The following DNM1L variants were observed in gnomAD, a reference collection of about 807,000 sequenced individuals.
DNM1L encodes the protein dynamin-1-like protein.
Under a neutral mutation model 92.8 loss-of-function variants are expected in DNM1L, and 33 were observed. That is an observed-to-expected ratio of 0.36 (90% confidence interval 0.27 to 0.48). The LOEUF (loss-of-function observed/expected upper bound fraction) is 0.48. Ranked by LOEUF, DNM1L falls within the 20% of genes least tolerant of loss-of-function variation. The pLI is 0.99. For synonymous variants in DNM1L, 284 were observed against 305.0 expected (o/e 0.93, Z 0.72); for missense variants, 485 against 888.8 (o/e 0.55, Z 5.78).
intron 6 of DNM1L, among the ~76,000 whole-genome samples, chr12:32,717,933 T>C (rs1469229718): frequency 2.5e-5 from 2 of 80,622 alleles, no homozygotes; most frequent in Admixed American, 1.5e-4. Context: ...ATATATTTTA[T>C]ATATATATAA....
intron 3 of DNM1L, 91 bp downstream of exon 3, chr12:32,707,504 AC>A (rs1247282393): frequency 4.7e-5 from 43 of 923,470 alleles, no homozygotes; most frequent in Non-Finnish European, 2.9e-5. Context: ...ATTGGCAATT[AC>A]GTTATTTTAA....
rs1443306992 is a variant in DNM1L at position 32,731,124 on chromosome 12, G to C, written c.1190G>C (p.Arg397Thr). 4 of 1,613,954 alleles carry C rather than the reference G, an allele frequency of 2.5e-6. No individual in the cohort carries two copies. Among genetic ancestry groups the C allele is most frequent in the Non-Finnish European group, 3.4e-6 (4 of 1,179,994 alleles). Residue 397 changes from arginine to threonine, a missense_variant, in exon 10 of 20, where the codon AGA (arginine) becomes ACA (threonine). Physicochemically the swap from Arg to Thr is moderately conservative, Grantham distance 71 (BLOSUM62 -1). Around this residue, in one of 11 missense-constraint regions of DNM1L, gnomAD observed 19 missense variants for 22.1 expected, o/e 0.86. Coordinates refer to ENST00000549701, the MANE Select transcript of DNM1L (RefSeq NM_012062.5). This position sits in a 1 kb window ranked among gnomAD's most constrained non-coding sequence, Gnocchi z 5.1. ...LNTIDILTAI[R>T]NATGPRPALF... The stretch of plus-strand genomic sequence containing the variant: ...ACTATTGACATTTTGACTGCCATTA[G>C]AAATGCTACTGTGAGTATGTTTAGC...
At chr12:32,705,971 C>A in intron 2 of DNM1L, 2 of 1,044,456 alleles carry the variant, frequency 1.9e-6, no homozygotes, top group Non-Finnish European at 2.7e-6. Context: ...TTTTTATTTG[C>A]CCATCCACAT....
intron 7 of DNM1L, 37 bp downstream of exon 7, chr12:32,718,800 A>C (rs140870304): frequency 9.3e-6 from 15 of 1,611,552 alleles, no homozygotes; most frequent in Non-Finnish European, 1.3e-5. Context: ...TGGGATAAGC[A>C]TTCTTAGAAT....
chr12:32,715,091 ATCT>A (rs1953302937), intron 6 of DNM1L, among the ~76,000 whole-genome samples: 1 of 147,614 alleles, frequency 6.8e-6, no homozygotes, highest in Non-Finnish European at 1.5e-5. Flanking sequence ...TTTTAATCTA[ATCT>A]TTTTTTTTTT....
intron 1 of DNM1L, among the ~76,000 whole-genome samples, chr12:32,698,253 A>G (rs764250853): frequency 3.3e-5 from 5 of 152,212 alleles, no homozygotes; most frequent in African/African-American, 9.7e-5. Flanking sequence ...ATGAGCCCCT[A>G]TGTCGTCTGT....
At chr12:32,738,920 T>G (rs959763621) in intron 16 of DNM1L, among the ~76,000 whole-genome samples, 1 of 152,214 alleles carries the variant, frequency 6.6e-6, no homozygotes, top group Non-Finnish European at 1.5e-5. Flanking sequence ...ATGTCTTATC[T>G]TCTCTCAGCC....
chr12:32,739,245 C>A (rs763013838), intron 16 of DNM1L, among the ~76,000 whole-genome samples: 1 of 151,912 alleles, frequency 6.6e-6, no homozygotes, highest in Non-Finnish European at 1.5e-5. Context: ...TTATATAATC[C>A]ATTTTTAGAT....
chr12:32,720,650 T>G lies in DNM1L; in HGVS notation c.741-14T>G, dbSNP rs1172362034. The G allele has an allele frequency of 1.2e-6, 2 of 1,613,622 alleles. No individual in the cohort carries two copies. Among genetic ancestry groups the G allele is most frequent in the African/African-American group, 2.7e-5 (2 of 74,910 alleles). On this transcript the variant is annotated splice_polypyrimidine_tract_variant and intron_variant, in intron 7 of 19. Transcript: ENST00000549701. The stretch of plus-strand genomic sequence containing the variant: ...CAGTTAAGCTGAATAGTTTCGTTAT[T>G]TTTTCAACCTCAGGAGCCAGCTAGA...
intron 1 of DNM1L, 139 bp from the exon 2 acceptor site, chr12:32,701,276 C>CG: frequency 1.7e-6 from 1 of 595,886 alleles, no homozygotes; most frequent in Non-Finnish European, 2.6e-6. Flanking sequence ...AACTCCGTCT[C>CG]AAAAAAAAAA....
intron 2 of DNM1L, among the ~76,000 whole-genome samples, chr12:32,702,026 A>G (rs962847865): frequency 2.7e-5 from 4 of 149,390 alleles, no homozygotes; most frequent in Non-Finnish European, 4.5e-5. Flanking sequence ...ACGAGGTCAG[A>G]AGTTCGAGAC....
intron 2 of DNM1L, chr12:32,706,803 G>T (rs1432701569): frequency 2.4e-6 from 1 of 423,808 alleles, no homozygotes; most frequent in Non-Finnish European, 4.7e-6. Flanking sequence ...ACAGCAAGTT[G>T]TGGCTCTACA....
At chr12:32,701,609 A>G (rs188923566) in intron 2 of DNM1L, 47 bp downstream of exon 2, 30,320 of 1,522,662 alleles carry the variant, frequency 0.02, 362 homozygotes, top group Non-Finnish European at 0.024. Flanking sequence ...TTCATTTTTG[A>G]TCTATTCTTA....
At chr12:32,681,092 C>T (rs978600208) in intron 1 of DNM1L, among the ~76,000 whole-genome samples, 1 of 152,086 alleles carries the variant, frequency 6.6e-6, no homozygotes, top group Non-Finnish European at 1.5e-5. Context: ...TACAGAGTGG[C>T]AGGAGAGAAA....
At chr12:32,710,108 AG>A (rs1319809397) in intron 4 of DNM1L, among the ~76,000 whole-genome samples, 1 of 152,200 alleles carries the variant, frequency 6.6e-6, no homozygotes, top group Non-Finnish European at 1.5e-5. Flanking sequence ...TAATACTTGT[AG>A]AGGGCCAGTG....
In DNM1L at chr12:32,745,168, GTTA is replaced by G; in HGVS notation, c.*1759_*1761del. The G allele has an allele frequency of 3.6e-6, 1 of 277,584 alleles. No homozygotes were observed. Among genetic ancestry groups the G allele is most frequent in the Non-Finnish European group, 7.1e-6 (1 of 141,500 alleles). 17.2% of individuals were successfully genotyped at this position (277,584 alleles called of 1,614,324 possible). A position where few individuals can be genotyped will look rare whatever the true frequency, so the allele number is the denominator to read the frequency against. On this transcript the variant is annotated 3_prime_UTR_variant, in exon 20 of 20. Coordinates refer to ENST00000549701, the MANE Select transcript of DNM1L (RefSeq NM_012062.5). Reference sequence around the variant, plus strand: ...GAGGATACATGCTCCCAAAACGTTTGTTACCACACTTAAAAATCACTGCCATCA... The same window carrying G: ...GAGGATACATGCTCCCAAAACGTTTGCCACACTTAAAAATCACTGCCATCA...
At chr12:32,703,088 CTGTCACCT>C (rs1370733130) in intron 2 of DNM1L, among the ~76,000 whole-genome samples, 5 of 145,762 alleles carry the variant, frequency 3.4e-5, no homozygotes, top group Non-Finnish European at 7.5e-5. Context: ...CCATTTTCTT[CTGTCACCT>C]TGAGAGGGCC....
intron 19 of DNM1L, 129 bp downstream of exon 19, chr12:32,742,877 T>C (rs1257915864): frequency 2.3e-6 from 2 of 854,448 alleles, no homozygotes; most frequent in East Asian, 5.8e-5. Flanking sequence ...CTGTTGGTAC[T>C]TGATAAGAAT....
chr12:32,745,101 A>G lies in DNM1L; in HGVS notation c.*1691A>G, dbSNP rs777294797. 2.2e-6 allele frequency: 1 copy of G among 459,448 alleles called. No homozygotes were observed. Among genetic ancestry groups the G allele is most frequent in the Non-Finnish European group, 4.2e-6 (1 of 237,152 alleles). 28.5% of individuals were successfully genotyped at this position (459,448 alleles called of 1,614,324 possible). ...AAAACCCCCACATCAGTCTGATACGATATGGTACTACTTTGAATCTGTTAC... is the reference window on the plus strand; with the variant it reads ...AAAACCCCCACATCAGTCTGATACGGTATGGTACTACTTTGAATCTGTTAC... On this transcript the variant is annotated 3_prime_UTR_variant, in exon 20 of 20. Transcript: ENST00000549701.
Sources: gnomAD v4.1 joint callset for allele counts (sites outside exome capture counted in the v4.1 genomes callset) on GRCh38, gnomAD v4.1.1 for gene constraint, gnomAD v4.1.1 regional missense constraint, Gnocchi (gnomAD v3.1) non-coding constraint, MANE v1.5 for transcripts, NCBI Gene and HGNC (gene_info 2026-07-23, HGNC 2026-07-21) for gene names.